The following ZBTB16 variants were observed in gnomAD, a reference collection of about 807,000 sequenced individuals.
The protein encoded by ZBTB16 is zinc finger and BTB domain containing 16, also known as zinc finger and BTB domain-containing protein 16.
Under a neutral mutation model 56.8 loss-of-function variants are expected in ZBTB16, and 8 were observed. The observed-to-expected ratio is 0.14, with a 90% CI of 0.08 to 0.25. The LOEUF (loss-of-function observed/expected upper bound fraction) is 0.25. Among genes scored for constraint, ZBTB16 ranks in the 10% least tolerant of loss-of-function variants. The pLI, the probability that ZBTB16 is intolerant of heterozygous loss-of-function variation, is 1.00. For synonymous variants in ZBTB16, 363 were observed against 368.5 expected (o/e 0.98, Z 0.17); for missense variants, 625 against 903.0 (o/e 0.69, Z 3.95).
intron 4 of ZBTB16, among the ~76,000 whole-genome samples, chr11:114,212,023 G>C (rs1240810669): frequency 1.3e-5 from 2 of 152,188 alleles, no homozygotes; most frequent in African/African-American, 4.8e-5. Context: ...TTGAGGACTT[G>C]TCAGCGGTCT....
chr11:114,102,881 C>T (rs901474869), intron 2 of ZBTB16, among the ~76,000 whole-genome samples: 1 of 152,164 alleles, frequency 6.6e-6, no homozygotes, highest in Non-Finnish European at 1.5e-5. Flanking sequence ...CCAATGCCAC[C>T]CACACATTGG....
At chr11:114,216,496 G>C (rs186282787) in intron 4 of ZBTB16, among the ~76,000 whole-genome samples, 1 of 152,170 alleles carries the variant, frequency 6.6e-6, no homozygotes, top group Non-Finnish European at 1.5e-5. Context: ...AGGGGCTGCT[G>C]CACAAGCCCA....
intron 2 of ZBTB16, among the ~76,000 whole-genome samples, chr11:114,103,422 G>A (rs546184828): frequency 1.3e-5 from 2 of 152,216 alleles, no homozygotes; most frequent in East Asian, 3.9e-4. Flanking sequence ...TTTTTTGTGA[G>A]TACCGTCCGC....
chr11:114,246,968 A>G, intron 5 of ZBTB16: 1 of 595,630 alleles, frequency 1.7e-6, no homozygotes, highest in Admixed American at 2.6e-5. Context: ...CTTTCCCAGG[A>G]CTGGCCCTTG....
chr11:114,240,365 A>G (rs1944676953), intron 4 of ZBTB16, among the ~76,000 whole-genome samples: 1 of 151,966 alleles, frequency 6.6e-6, no homozygotes, highest in African/African-American at 2.4e-5. Context: ...TCTTCGTGCC[A>G]TCCCTTCTCT....
intron 2 of ZBTB16, among the ~76,000 whole-genome samples, chr11:114,092,170 G>A (rs182933965): frequency 7.2e-5 from 11 of 152,312 alleles, no homozygotes; most frequent in East Asian, 1.9e-4. Context: ...CAGGAGACCC[G>A]AGAGGCTCCG....
intron 3 of ZBTB16, among the ~76,000 whole-genome samples, chr11:114,157,586 CTG>C (rs1174702250): frequency 6.6e-6 from 1 of 152,186 alleles, no homozygotes; most frequent in African/African-American, 2.4e-5. Context: ...CCGTTTAGTA[CTG>C]TCTTTCCCCT....
chr11:114,150,781 A>T (rs628991), intron 2 of ZBTB16, among the ~76,000 whole-genome samples: 13,955 of 152,298 alleles, frequency 0.092, 725 homozygotes, highest in Admixed American at 0.13. Flanking sequence ...GGAAAGGTGA[A>T]TGAGGCTAGG....
At chr11:114,193,832 A>G (rs539711835) in intron 4 of ZBTB16, among the ~76,000 whole-genome samples, 1 of 152,220 alleles carries the variant, frequency 6.6e-6, no homozygotes, top group East Asian at 1.9e-4. Flanking sequence ...GCCACTTGAT[A>G]TTTTTGCTAC....
chr11:114,145,180 A>T (rs1302257123), intron 2 of ZBTB16, among the ~76,000 whole-genome samples: 3 of 152,240 alleles, frequency 2.0e-5, no homozygotes, highest in African/African-American at 4.8e-5. Context: ...CCAAAAATGT[A>T]TTGAGAAATT....
rs373656983 is a variant in ZBTB16 at position 114,250,580 on chromosome 11, G to A, written c.*25G>A. 61 of 1,610,488 alleles carry A rather than the reference G, an allele frequency of 3.8e-5. No individual in the cohort carries two copies. The highest frequency in any genetic ancestry group is 1.1e-4 in the South Asian group (10 of 90,966). ...AAGGGAGGCCCGCGGCGGTGGAGCCGAGCGGGGAGCCAGGAAAGAAGAGTT... is the reference window on the plus strand; with the variant it reads ...AAGGGAGGCCCGCGGCGGTGGAGCCAAGCGGGGAGCCAGGAAAGAAGAGTT... On this transcript the variant is annotated 3_prime_UTR_variant, in exon 7 of 7. Coordinates refer to ENST00000335953, the MANE Select transcript of ZBTB16 (RefSeq NM_006006.6). The surrounding 1 kb of genome is among the most constrained non-coding windows in gnomAD (Gnocchi z 6.0).
chr11:114,131,064 G>A (rs1292937891), intron 2 of ZBTB16, among the ~76,000 whole-genome samples: 7 of 152,210 alleles, frequency 4.6e-5, no homozygotes, highest in Non-Finnish European at 1.0e-4. Context: ...ATTTGTGATT[G>A]CACAGTGGCA....
At chr11:114,171,971 A>T (rs1942980766) in intron 3 of ZBTB16, among the ~76,000 whole-genome samples, 1 of 152,256 alleles carries the variant, frequency 6.6e-6, no homozygotes, top group African/African-American at 2.4e-5. Context: ...ACCCTGCCTG[A>T]GAAGGAAGGA....
Position 114,251,829 on chromosome 11 carries a change from G to A in ZBTB16, c.*1274G>A, listed in dbSNP as rs970369730. 6.6e-6 allele frequency among the ~76,000 whole-genome samples: 1 copy of A among 152,154 alleles called. No individual in the cohort carries two copies. Among genetic ancestry groups the A allele is most frequent in the Non-Finnish European group, 1.5e-5 (1 of 68,032 alleles). ...GCGCTTTGGCCTTGTGTTATGTTTT[G>A]CTTCTTTTCTGTGTCCCCTGTTAGC... On this transcript the variant is annotated 3_prime_UTR_variant, in exon 7 of 7. Transcript: ENST00000335953.
intron 4 of ZBTB16, among the ~76,000 whole-genome samples, chr11:114,235,207 C>T (rs529008222): frequency 1.3e-5 from 2 of 152,208 alleles, no homozygotes; most frequent in African/African-American, 4.8e-5. Context: ...CGTGAGAAGC[C>T]CCTCCGGGGT....
chr11:114,144,885 T>C (rs1942057719), intron 2 of ZBTB16, among the ~76,000 whole-genome samples: 1 of 152,242 alleles, frequency 6.6e-6, no homozygotes, highest in South Asian at 2.1e-4. Flanking sequence ...TATTAAATTA[T>C]TGAGTTTAGA....
chr11:114,169,657 TGA>T (rs752399083), intron 3 of ZBTB16, among the ~76,000 whole-genome samples: 2 of 152,128 alleles, frequency 1.3e-5, no homozygotes, highest in Non-Finnish European at 2.9e-5. Flanking sequence ...GTGGTCTGGC[TGA>T]GAGGGTGACA....
chr11:114,219,555 T>C (rs907479434), intron 4 of ZBTB16, among the ~76,000 whole-genome samples: 4 of 152,016 alleles, frequency 2.6e-5, no homozygotes, highest in African/African-American at 9.7e-5. Flanking sequence ...TCATTCTTAC[T>C]GCAAAATCGA....
intron 2 of ZBTB16, among the ~76,000 whole-genome samples, chr11:114,110,091 G>T (rs1020627031): frequency 1.3e-5 from 2 of 151,938 alleles, no homozygotes; most frequent in Non-Finnish European, 2.9e-5. Flanking sequence ...GAATGTGGGG[G>T]ACTTAGGTGC....
Sources: allele counts gnomAD v4.1 joint callset (sites outside exome capture counted in the v4.1 genomes callset), GRCh38; gene constraint gnomAD v4.1.1; non-coding constraint Gnocchi (gnomAD v3.1); transcripts MANE v1.5; gene names NCBI Gene and HGNC (gene_info 2026-07-23, HGNC 2026-07-21).